CCDC125: variants seen among roughly 807,000 people sequenced by gnomAD.
CCDC125 encodes coiled-coil domain containing 125.
CCDC125 carries 43 observed loss-of-function variants against 57.4 expected under a neutral mutation model. The ratio of observed to expected loss-of-function variants is 0.75; its 90% CI spans 0.59 to 0.97. The LOEUF (loss-of-function observed/expected upper bound fraction) is 0.97. Ranked by LOEUF, CCDC125 falls within the 50% of genes least tolerant of loss-of-function variation. The pLI is 0.00. For missense variants in CCDC125, 563 were observed against 595.7 expected, an observed-to-expected ratio of 0.95 and a Z score of 0.57; for synonymous variants, 187 against 195.2, an observed-to-expected ratio of 0.96 and a Z score of 0.35.
intron 10 of CCDC125, among the ~76,000 whole-genome samples, chr5:69,286,188 C>CTATATATATATATA (rs59035946): frequency 3.9e-5 from 2 of 51,338 alleles, no homozygotes; most frequent in Non-Finnish European, 6.8e-5. Context: ...AAATGGTAAA[C>CTATATATATATATA]TATATATATA....
At chr5:69,314,183 C>T in intron 2 of CCDC125, 137 bp from the exon 3 acceptor site, 2 of 608,752 alleles carry the variant, frequency 3.3e-6, no homozygotes, top group Non-Finnish European at 2.9e-6. Context: ...TATAATAGAA[C>T]ACCAGGTGCG....
At chr5:69,299,027 G>A (rs1199320418) in intron 8 of CCDC125, among the ~76,000 whole-genome samples, 1 of 151,936 alleles carries the variant, frequency 6.6e-6, no homozygotes, top group Non-Finnish European at 1.5e-5. Flanking sequence ...TGTATGTAAA[G>A]TTCTTAGAAC....
the CCDC125 span, among the ~76,000 whole-genome samples, chr5:69,274,828 C>A: frequency 6.6e-6 from 1 of 152,140 alleles, no homozygotes; most frequent in African/African-American, 2.4e-5. Flanking sequence ...GTTATCGAGG[C>A]TGATCTCGAA....
In CCDC125 at chr5:69,281,386, T is replaced by G. The variant is rs1474623616; in HGVS notation, c.*1343A>C. 6.6e-6 allele frequency: 1 copy of G among 152,094 alleles called. No homozygotes were observed. The highest frequency in any genetic ancestry group is 1.5e-5 in the Non-Finnish European group (1 of 68,042). 9.4% of individuals were successfully genotyped at this position (152,094 alleles called of 1,614,324 possible). ...CACATACCACAAACAAAAAAACTCCTAGAAATCACCTTGGCTCAGGCAGCT... is the reference window on the plus strand; with the variant it reads ...CACATACCACAAACAAAAAAACTCCGAGAAATCACCTTGGCTCAGGCAGCT... On this transcript the variant is annotated 3_prime_UTR_variant, in exon 12 of 12. Coordinates refer to ENST00000396496, the MANE Select transcript of CCDC125 (RefSeq NM_176816.5).
At chr5:69,330,784 T>G (rs1761320128) in intron 1 of CCDC125, among the ~76,000 whole-genome samples, 1 of 152,148 alleles carries the variant, frequency 6.6e-6, no homozygotes, top group South Asian at 2.1e-4. Flanking sequence ...CCAAACTATG[T>G]CATTCTTTGC....
chr5:69,306,866 G>T lies in CCDC125; in HGVS notation c.568C>A (p.His190Asn). 6.5e-7 allele frequency: 1 copy of T among 1,527,130 alleles called. No homozygotes were observed. The highest frequency in any genetic ancestry group is 8.8e-7 in the Non-Finnish European group (1 of 1,142,116). The allele number at this position is 1,527,130 out of a possible 1,614,324, so 94.6% of individuals were successfully genotyped here. ...NALQWEIEFD[H>N]NRFKNIEESW... is the part of the protein sequence containing the mutation. ...TCCTCTATATTTTTAAATCTATTAT[G>T]ATCAAATTCTATTTCCCACTGCAAG... The change falls in exon 6 of 12, where the codon CAT (histidine) becomes AAT (asparagine). Residue 190 changes from histidine to asparagine, a missense_variant. Transcript: ENST00000396496.
At chr5:69,274,307 A>T in the CCDC125 span, among the ~76,000 whole-genome samples, 1 of 152,178 alleles carries the variant, frequency 6.6e-6, no homozygotes, top group Non-Finnish European at 1.5e-5. Context: ...TAATTTGCAT[A>T]TAGAACTGCT....
At chr5:69,276,695 G>GA, downstream of CCDC125, 1 of 1,607,712 alleles carries the variant, frequency 6.2e-7, no homozygotes, top group Non-Finnish European at 8.5e-7. Flanking sequence ...AACAAGGTAA[G>GA]ATTCCCACTT....
At chr5:69,294,350 T>C (rs1431561928) in intron 9 of CCDC125, among the ~76,000 whole-genome samples, 2 of 152,024 alleles carry the variant, frequency 1.3e-5, no homozygotes, top group Non-Finnish European at 2.9e-5. Context: ...TCTTGTTGCC[T>C]AGGCTGGAGT....
chr5:69,320,107 A>T lies in CCDC125; in HGVS notation c.304+130T>A, dbSNP rs150392874. 5.8e-4 allele frequency: 526 copies of T among 912,996 alleles called. 1 individual carries two copies. In the Middle Eastern group the frequency reaches 0.013, roughly 23 times the overall value. The allele number at this position is 912,996 out of a possible 1,614,324, so 56.6% of individuals were successfully genotyped here. A position where few individuals can be genotyped will look rare whatever the true frequency, so the allele number is the denominator to read the frequency against. ...CACTGCACTCCAGCCTGGGTGACAGAGCAAGACTCCGTCCAGAAAAAAAAG... is the reference window on the plus strand; with the variant it reads ...CACTGCACTCCAGCCTGGGTGACAGTGCAAGACTCCGTCCAGAAAAAAAAG... On this transcript the variant is annotated intron_variant, in intron 2 of 11. Transcript: ENST00000396496.
At chr5:69,313,810 A>C in intron 3 of CCDC125, 175 bp downstream of exon 3, 1 of 819,462 alleles carries the variant, frequency 1.2e-6, no homozygotes, top group Non-Finnish European at 2.2e-6. Flanking sequence ...TTGAAGACTT[A>C]CACAACTTCA....
At chr5:69,300,551 G>T (rs1470227640) in intron 7 of CCDC125, among the ~76,000 whole-genome samples, 1 of 152,212 alleles carries the variant, frequency 6.6e-6, no homozygotes, top group Non-Finnish European at 1.5e-5. Flanking sequence ...GTTTTCACAA[G>T]AAGATCTCAA....
intron 8 of CCDC125, among the ~76,000 whole-genome samples, 161 bp from the exon 9 acceptor site, chr5:69,295,061 G>C (rs1182868669): frequency 6.6e-6 from 1 of 152,114 alleles, no homozygotes. Context: ...GCTGAGACTG[G>C]GATCTCAGAA....
intron 1 of CCDC125, among the ~76,000 whole-genome samples, chr5:69,328,286 T>C (rs1052558312): frequency 6.6e-6 from 1 of 152,178 alleles, no homozygotes; most frequent in African/African-American, 2.4e-5. Context: ...TACCATTTAA[T>C]TTCTAATTGG....
chr5:69,332,045 G>T (rs1761484170), intron 1 of CCDC125, among the ~76,000 whole-genome samples: 1 of 152,242 alleles, frequency 6.6e-6, no homozygotes, highest in African/African-American at 2.4e-5. Context: ...CCTTTGGACA[G>T]AAGAATCTAC....
At chr5:69,286,528 C>T (rs1238250483) in intron 10 of CCDC125, among the ~76,000 whole-genome samples, 3 of 151,692 alleles carry the variant, frequency 2.0e-5, no homozygotes, top group Non-Finnish European at 4.4e-5. Flanking sequence ...CCACCGCGCC[C>T]GGCCAACTTT....
chr5:69,293,657 A>AAC (rs1754861791), intron 9 of CCDC125, among the ~76,000 whole-genome samples: 3 of 151,848 alleles, frequency 2.0e-5, no homozygotes, highest in Admixed American at 6.6e-5. Flanking sequence ...CAAAAAAAAA[A>AAC]AAAAACCCAA....
chr5:69,278,505 G>A (rs973185985), downstream of CCDC125, among the ~76,000 whole-genome samples: 10 of 151,850 alleles, frequency 6.6e-5, no homozygotes, highest in South Asian at 6.2e-4. Context: ...GAGCCACCGC[G>A]CCCAGCCAAT....
At chr5:69,302,226 A>G (rs1756577684) in intron 7 of CCDC125, among the ~76,000 whole-genome samples, 1 of 151,832 alleles carries the variant, frequency 6.6e-6, no homozygotes, top group African/African-American at 2.4e-5. Context: ...GTTTGAGACC[A>G]GCCTGGTCAA....
Sources: allele counts gnomAD v4.1 joint callset (sites outside exome capture counted in the v4.1 genomes callset), GRCh38; gene constraint gnomAD v4.1.1; transcripts MANE v1.5; gene names NCBI Gene and HGNC (gene_info 2026-07-23, HGNC 2026-07-21).